Variants in LRCH2 observed in about 807,000 individuals in gnomAD.
LRCH2 encodes the protein leucine-rich repeat and calponin homology domain-containing protein 2.
In LRCH2, 38 loss-of-function variants were observed where a neutral mutation model predicts 68.9. That is an observed-to-expected ratio of 0.55 (90% CI 0.43 to 0.72). LRCH2 has a LOEUF of 0.72. Among genes scored for constraint, LRCH2 ranks in the 30% least tolerant of loss-of-function variants. The pLI, the probability that LRCH2 is intolerant of heterozygous loss-of-function variation, is 0.00. For missense variants in LRCH2, 528 were observed against 572.9 expected (o/e 0.92, Z 0.80); for synonymous variants, 191 against 208.1 (o/e 0.92, Z 0.71).
chrX:115,190,001 G>C, intron 1 of LRCH2: 3 of 1,161,575 alleles, frequency 2.6e-6, no homozygotes, highest in Non-Finnish European at 3.4e-6. Flanking sequence ...ACTGTGTCGG[G>C]GCAAGATGGC....
chrX:115,179,737 A>G lies in LRCH2; in HGVS notation c.636T>C (p.Asn212=), dbSNP rs2072677559. 2 of 1,128,514 alleles carry G rather than the reference A, an allele frequency of 1.8e-6. No individual in the cohort carries two copies. The highest frequency in any genetic ancestry group is 2.8e-5 in the Admixed American group (1 of 36,085). The allele number at this position is 1,128,514 out of a possible 1,213,427, so 93.0% of individuals were successfully genotyped here. Residue 212 remains asparagine, a synonymous_variant, in exon 4 of 21, where the codon AAT becomes AAC. Coordinates refer to ENST00000317135, the MANE Select transcript of LRCH2 (RefSeq NM_020871.4). ...KDLMELDISC[N]EIQVLPQQMG... The stretch of plus-strand genomic sequence containing the variant: ...TTTGTTGGGGAAGGACTTGAATCTC[A>G]TTGCAGCTAATATCCTAAGGAGAAC...
intron 1 of LRCH2, among the ~76,000 whole-genome samples, chrX:115,197,713 C>T (rs2072897873): frequency 9.2e-6 from 1 of 108,668 alleles, no homozygotes; most frequent in Non-Finnish European, 1.9e-5. Context: ...GATCACACCA[C>T]TACACTCCAG....
intron 14 of LRCH2, among the ~76,000 whole-genome samples, chrX:115,140,406 G>A (rs1401768918): frequency 9.0e-6 from 1 of 110,690 alleles, no homozygotes; most frequent in South Asian, 3.9e-4. Flanking sequence ...GAGATGTGCT[G>A]GCGTCCGGTA....
intron 1 of LRCH2, among the ~76,000 whole-genome samples, chrX:115,197,847 T>TCTCTCTCTCTCTCTCTCTCACACA (rs782358260): frequency 2.4e-4 from 5 of 20,565 alleles, no homozygotes; most frequent in Admixed American, 1.1e-3. Context: ...TCTCTCTCTC[T>TCTCTCTCTCTCTCTCTCTCACACA]CACACACACA....
chrX:115,151,707 A>C (rs1435438050), intron 12 of LRCH2, among the ~76,000 whole-genome samples: 1 of 111,577 alleles, frequency 9.0e-6, no homozygotes, highest in African/African-American at 3.3e-5. Flanking sequence ...GAATGGGCAA[A>C]ATATTTAAAA....
At chrX:115,169,225 T>C (rs1303132732) in intron 6 of LRCH2, among the ~76,000 whole-genome samples, 3 of 111,960 alleles carry the variant, frequency 2.7e-5, no homozygotes, top group Non-Finnish European at 5.6e-5. Flanking sequence ...CACTACATTG[T>C]GAGCACCAAG....
chrX:115,119,003 T>C (rs1305764851), intron 20 of LRCH2, among the ~76,000 whole-genome samples: 5 of 111,554 alleles, frequency 4.5e-5, no homozygotes, highest in Non-Finnish European at 9.4e-5. Flanking sequence ...AAATTAGGTA[T>C]TGATGGGACG....
At chrX:115,119,012 C>T (rs1369031716) in intron 20 of LRCH2, among the ~76,000 whole-genome samples, 16 of 111,300 alleles carry the variant, frequency 1.4e-4, no homozygotes, top group African/African-American at 4.3e-4. Flanking sequence ...ATTGATGGGA[C>T]GTATCTCAAA....
Position 115,188,330 on chromosome X carries a change from G to A in LRCH2, c.390C>T (p.Val130=). Residue 130 remains valine (V), a synonymous_variant, in exon 2 of 21, where the codon GTC becomes GTT. Coordinates refer to ENST00000317135, the MANE Select transcript of LRCH2 (RefSeq NM_020871.4). ...ATGTTTCAAGGGGTGCAAATAACCA[G>A]ACATCAGAAGGAATTTCTGTAAAAC... The part of the protein sequence containing the change: ...RNRFTEIPSD[V]WLFAPLETLN... 2 of 1,190,973 alleles carry A rather than the reference G, an allele frequency of 1.7e-6. No individual in the cohort carries two copies. The highest frequency in any genetic ancestry group is 3.8e-5 in the South Asian group (2 of 52,282).
chrX:115,131,564 A>C (rs1377698339), intron 14 of LRCH2, among the ~76,000 whole-genome samples: 7 of 111,734 alleles, frequency 6.3e-5, no homozygotes, highest in Non-Finnish European at 7.5e-5. Flanking sequence ...TGCAATAAAC[A>C]TATGTGTACA....
intron 2 of LRCH2, among the ~76,000 whole-genome samples, chrX:115,187,345 G>GA (rs1263630396): frequency 8.1e-4 from 91 of 111,853 alleles, no homozygotes; most frequent in Non-Finnish European, 1.5e-3. Flanking sequence ...AATAAAAAAA[G>GA]AAAAAAATTC....
chrX:115,127,996 G>A (rs1233168221), intron 15 of LRCH2, among the ~76,000 whole-genome samples: 1 of 111,824 alleles, frequency 8.9e-6, no homozygotes, highest in African/African-American at 3.2e-5. Context: ...TTGCATCTGT[G>A]TTCTTTGAAA....
intron 1 of LRCH2, among the ~76,000 whole-genome samples, chrX:115,205,471 T>A (rs2072959249): frequency 8.9e-6 from 1 of 112,182 alleles, no homozygotes; most frequent in South Asian, 3.7e-4. Flanking sequence ...GCTTCATCAA[T>A]TTTCATCATC....
At chrX:115,174,601 C>CACA (rs1491414103) in intron 5 of LRCH2, among the ~76,000 whole-genome samples, 54 of 66,622 alleles carry the variant, frequency 8.1e-4, no homozygotes, top group African/African-American at 2.1e-3. Flanking sequence ...ACCCCCCCCC[C>CACA]CACACACACA....
Position 115,143,819 on chromosome X carries a change from G to T in LRCH2, c.1695+6008C>A, listed in dbSNP as rs782575032. ...GATTTATTCCAGGGATGCAAGCATG[G>T]TTCAACATATGCAAATCAATTGTTG... On this transcript the variant is annotated intron_variant, in intron 14 of 20. Transcript: ENST00000317135. 2.7e-5 allele frequency among the ~76,000 whole-genome samples: 3 copies of T among 111,925 alleles called. No homozygotes were observed. In the Admixed American group the frequency reaches 2.8e-4, roughly 11 times the overall value.
intron 1 of LRCH2, among the ~76,000 whole-genome samples, chrX:115,230,334 T>C (rs2073145116): frequency 9.0e-6 from 1 of 111,157 alleles, no homozygotes. Context: ...AAAAAGGTCA[T>C]GAATCTCCAA....
chrX:115,231,233 G>A (rs1326797720), intron 1 of LRCH2, among the ~76,000 whole-genome samples: 1 of 111,148 alleles, frequency 9.0e-6, no homozygotes, highest in Admixed American at 9.6e-5. Flanking sequence ...ATTCCACTGA[G>A]TCATTTTAAG....
intron 3 of LRCH2, among the ~76,000 whole-genome samples, chrX:115,180,836 G>A (rs1458300342): frequency 1.8e-5 from 2 of 111,874 alleles, no homozygotes; most frequent in African/African-American, 6.5e-5. Context: ...GCTAGGTACT[G>A]TTCCAGGGAC....
At chrX:115,205,813 C>A (rs2072962362) in intron 1 of LRCH2, among the ~76,000 whole-genome samples, 1 of 110,407 alleles carries the variant, frequency 9.1e-6, no homozygotes, top group Admixed American at 9.7e-5. Context: ...TGGCAAGCAC[C>A]TATAATCCCA....
Sources: gnomAD v4.1 joint callset for allele counts (sites outside exome capture counted in the v4.1 genomes callset) on GRCh38, gnomAD v4.1.1 for gene constraint, MANE v1.5 for transcripts, NCBI Gene and HGNC (gene_info 2026-07-23, HGNC 2026-07-21) for gene names.